CAMTA1: variants seen among roughly 807,000 people sequenced by gnomAD.
The protein encoded by CAMTA1 is calmodulin binding transcription activator 1.
Under a neutral mutation model 170.9 loss-of-function variants are expected in CAMTA1, and 27 were observed. The ratio of observed to expected loss-of-function variants is 0.16; its 90% CI spans 0.12 to 0.22. The LOEUF (loss-of-function observed/expected upper bound fraction) is 0.22, where lower values mean the gene tolerates loss of function less well. CAMTA1 is among the 10% of genes least tolerant of loss of function. The pLI is 1.00. For missense variants in CAMTA1, 1,619 were observed against 2,217.2 expected (o/e 0.73, Z 5.42); for synonymous variants, 833 against 891.5 (o/e 0.93, Z 1.17).
intron 7 of CAMTA1, among the ~76,000 whole-genome samples, chr1:7,648,351 C>T (rs1394191200): frequency 6.7e-6 from 1 of 150,028 alleles, no homozygotes; most frequent in Non-Finnish European, 1.5e-5. Flanking sequence ...AAGATCGTGC[C>T]ATTGTGCTCC....
intron 3 of CAMTA1, among the ~76,000 whole-genome samples, chr1:6,830,182 G>T (rs538723811): frequency 6.7e-6 from 1 of 149,950 alleles, no homozygotes; most frequent in Admixed American, 6.7e-5. Context: ...GACTACAGGC[G>T]CCCACCACCA....
intron 3 of CAMTA1, among the ~76,000 whole-genome samples, chr1:6,836,369 G>A (rs1046852311): frequency 6.6e-6 from 1 of 152,176 alleles, no homozygotes; most frequent in African/African-American, 2.4e-5. Flanking sequence ...CTGTAAGGAA[G>A]AATATTCTCT....
rs1259508201 is a variant in CAMTA1, at chr1:7,234,961, A to C, written c.303-14530A>C. Among the ~76,000 whole-genome samples the C allele has an allele frequency of 2.6e-5, 4 of 151,828 alleles. No homozygotes were observed. The highest frequency in any genetic ancestry group is 5.9e-5 in the Non-Finnish European group (4 of 67,936). On this transcript the variant is annotated intron_variant, in intron 4 of 22. Transcript: ENST00000303635. The surrounding 1 kb of genome is among the most constrained non-coding windows in gnomAD (Gnocchi z 5.0). ...GCCACCACACCTGGCTAATTTTTGT[A>C]TTTTTAGTAGAGATGGGGTTTCACC... is the stretch of plus-strand genomic sequence containing the variant.
intron 3 of CAMTA1, among the ~76,000 whole-genome samples, chr1:6,929,117 G>A (rs940590329): frequency 1.3e-5 from 2 of 152,150 alleles, no homozygotes; most frequent in Non-Finnish European, 2.9e-5. Flanking sequence ...TGTTGTAAAA[G>A]TTGGAAGGAC....
chr1:7,705,135 T>G (rs1356939896), intron 11 of CAMTA1, among the ~76,000 whole-genome samples: 1 of 147,932 alleles, frequency 6.8e-6, no homozygotes, highest in Non-Finnish European at 1.5e-5. Flanking sequence ...GTGCGCGCGT[T>G]TCTGGCGCGA....
At chr1:7,191,498 T>G (rs1362642908) in intron 4 of CAMTA1, among the ~76,000 whole-genome samples, 1 of 152,232 alleles carries the variant, frequency 6.6e-6, no homozygotes, top group Non-Finnish European at 1.5e-5. Flanking sequence ...CTCTCTTGGG[T>G]GGCACCATCT....
intron 3 of CAMTA1, among the ~76,000 whole-genome samples, chr1:6,848,043 C>T (rs1320141905): frequency 6.6e-6 from 1 of 152,014 alleles, no homozygotes; most frequent in Admixed American, 6.6e-5. Context: ...AAAAGAGTTT[C>T]ACCATAGTGA....
chr1:7,457,247 T>C (rs1486208641), intron 5 of CAMTA1, among the ~76,000 whole-genome samples: 2 of 152,206 alleles, frequency 1.3e-5, no homozygotes, highest in Non-Finnish European at 2.9e-5. Flanking sequence ...ACAATAAAGC[T>C]GAAGCTCCAG....
At position 7,227,224 on chromosome 1, in the gene CAMTA1, C is replaced by T. The variant is rs191014711; in HGVS notation, c.303-22267C>T. 8.5e-4 allele frequency among the ~76,000 whole-genome samples: 130 copies of T among 152,292 alleles called. 1 individual carries two copies. Among genetic ancestry groups the T allele is most frequent in the Admixed American group, 3.1e-3 (47 of 15,300 alleles). On this transcript the variant is annotated intron_variant, in intron 4 of 22. Transcript: ENST00000303635. The stretch of plus-strand genomic sequence containing the variant: ...CTCTGTCCGTCTCTGTGCCCCTGTC[C>T]GCCCAAATTAGTGGGACCAACCCCT...
intron 4 of CAMTA1, among the ~76,000 whole-genome samples, chr1:7,192,983 G>C (rs1255354837): frequency 6.6e-6 from 1 of 152,160 alleles, no homozygotes; most frequent in African/African-American, 2.4e-5. Flanking sequence ...CTGGGCAGGG[G>C]CTCATCCCAG....
chr1:7,498,137 G>A (rs2093862086), intron 6 of CAMTA1, among the ~76,000 whole-genome samples: 1 of 152,094 alleles, frequency 6.6e-6, no homozygotes, highest in Non-Finnish European at 1.5e-5. Flanking sequence ...ACTAGTATGA[G>A]CAACAGGATA....
chr1:6,984,362 C>G (rs1695012679), intron 3 of CAMTA1, among the ~76,000 whole-genome samples: 1 of 151,972 alleles, frequency 6.6e-6, no homozygotes, highest in Non-Finnish European at 1.5e-5. Context: ...GTTGCAAAGC[C>G]AACACTTTGG....
intron 3 of CAMTA1, among the ~76,000 whole-genome samples, chr1:6,954,206 C>A (rs1211096629): frequency 6.6e-6 from 1 of 152,190 alleles, no homozygotes; most frequent in East Asian, 1.9e-4. Context: ...CCTGGCTGGT[C>A]GCCTGATGAT....
intron 19 of CAMTA1, chr1:7,750,856 T>C (rs969221663): frequency 2.9e-5 from 9 of 308,752 alleles, no homozygotes; most frequent in African/African-American, 1.3e-4. Flanking sequence ...ATAGAAAATA[T>C]TAATCCGAAG....
intron 11 of CAMTA1, among the ~76,000 whole-genome samples, chr1:7,728,813 G>T (rs1453936171): frequency 2.0e-5 from 3 of 152,196 alleles, no homozygotes; most frequent in Non-Finnish European, 4.4e-5. Flanking sequence ...AAGAGGCATG[G>T]CATCTGGAGT....
Position 7,217,300 on chromosome 1 carries a change from C to T in CAMTA1, c.303-32191C>T, listed in dbSNP as rs138082507. Among the ~76,000 whole-genome samples, 638 of 152,334 alleles carry T rather than the reference C, an allele frequency of 4.2e-3. 1 individual carries two copies. The highest frequency in any genetic ancestry group is 0.041 in the Middle Eastern group (12 of 294). On this transcript the variant is annotated intron_variant, in intron 4 of 22. Transcript: ENST00000303635. ...CTCTTCTGCCATGATTGTAAGTTTC[C>T]TGAGGCCTCTCCAACCATGTGGAAC...
chr1:7,225,074 C>T (rs1381106499), intron 4 of CAMTA1, among the ~76,000 whole-genome samples: 12 of 151,866 alleles, frequency 7.9e-5, no homozygotes, highest in Admixed American at 7.9e-4. Flanking sequence ...CAAATTCTTA[C>T]TGATCTTGGC....
intron 3 of CAMTA1, among the ~76,000 whole-genome samples, chr1:7,017,770 G>A (rs966514098): frequency 6.6e-6 from 1 of 152,154 alleles, no homozygotes; most frequent in African/African-American, 2.4e-5. Context: ...GGTTGGTGTG[G>A]GTGGTGCCCA....
intron 3 of CAMTA1, among the ~76,000 whole-genome samples, chr1:6,864,416 A>T (rs187353313): frequency 6.6e-6 from 1 of 152,064 alleles, no homozygotes; most frequent in Non-Finnish European, 1.5e-5. Context: ...GTCCTTTTCA[A>T]ATGCCAGTTG....
Sources: allele counts gnomAD v4.1 joint callset (sites outside exome capture counted in the v4.1 genomes callset), GRCh38; gene constraint gnomAD v4.1.1; non-coding constraint Gnocchi (gnomAD v3.1); transcripts MANE v1.5; gene names NCBI Gene and HGNC (gene_info 2026-07-23, HGNC 2026-07-21).